The following TENM4 variants were observed in gnomAD, a reference collection of about 807,000 sequenced individuals.
TENM4 encodes teneurin transmembrane protein 4.
A neutral mutation model predicts 243.3 loss-of-function variants in TENM4; 82 were observed. The observed-to-expected ratio is 0.34, with a 90% confidence interval of 0.28 to 0.40. TENM4 has a LOEUF of 0.40. Ranked by LOEUF, TENM4 falls within the 10% of genes least tolerant of loss-of-function variation. The pLI, the probability that TENM4 is intolerant of heterozygous loss-of-function variation, is 1.00. For synonymous variants in TENM4, 1,412 were observed against 1,456.3 expected, an observed-to-expected ratio of 0.97 and a Z score of 0.69; for missense variants, 3,138 against 3,673.3, an observed-to-expected ratio of 0.85 and a Z score of 3.77.
intron 2 of TENM4, among the ~76,000 whole-genome samples, chr11:79,242,124 C>T (rs979195890): frequency 5.3e-5 from 8 of 152,158 alleles, no homozygotes; most frequent in Non-Finnish European, 1.0e-4. Flanking sequence ...AGCAGGCGAT[C>T]GCTTCTTTTA....
chr11:79,346,372 T>C (rs1857326467), intron 1 of TENM4, among the ~76,000 whole-genome samples: 1 of 152,060 alleles, frequency 6.6e-6, no homozygotes, highest in Admixed American at 6.5e-5. Context: ...CGGGGGTGTT[T>C]GAGAATTAAT....
At chr11:79,096,171 C>G (rs1245427108) in intron 4 of TENM4, 1 of 152,218 alleles carries the variant, frequency 6.6e-6, no homozygotes, top group Non-Finnish European at 1.5e-5. Flanking sequence ...AATGGGGGTA[C>G]TGTCTACTTG....
intron 3 of TENM4, among the ~76,000 whole-genome samples, chr11:79,215,096 C>T (rs1307584151): frequency 1.3e-5 from 2 of 152,296 alleles, no homozygotes; most frequent in East Asian, 1.9e-4. Context: ...ACTCCCTCTT[C>T]CCTGGATCCT....
intron 12 of TENM4, among the ~76,000 whole-genome samples, chr11:78,836,168 A>T (rs1858108276): frequency 6.6e-6 from 1 of 151,836 alleles, no homozygotes. Context: ...GAACAGCCTC[A>T]CCAACATGGT....
intron 19 of TENM4, among the ~76,000 whole-genome samples, chr11:78,747,209 C>T (rs562815953): frequency 2.8e-4 from 43 of 152,236 alleles, no homozygotes; most frequent in African/African-American, 4.8e-4. Flanking sequence ...GTGGACGTCC[C>T]GTGTGTCACT....
chr11:79,259,414 C>A (rs889194577), intron 2 of TENM4, among the ~76,000 whole-genome samples: 3 of 152,112 alleles, frequency 2.0e-5, no homozygotes, highest in Admixed American at 6.6e-5. Context: ...TGTAAAAATT[C>A]CTTCCTTCCT....
intron 2 of TENM4, among the ~76,000 whole-genome samples, chr11:79,235,757 T>C (rs1780272104): frequency 6.6e-6 from 1 of 152,046 alleles, no homozygotes; most frequent in South Asian, 2.1e-4. Flanking sequence ...CACTGGTCTG[T>C]GGCTCTATGG....
chr11:79,376,158 G>A (rs867550670), intron 1 of TENM4, among the ~76,000 whole-genome samples: 5 of 152,196 alleles, frequency 3.3e-5, no homozygotes, highest in African/African-American at 7.2e-5. Context: ...AACAGGGAAC[G>A]CATCCAATGG....
chr11:79,334,512 G>T (rs1480361302), intron 1 of TENM4, among the ~76,000 whole-genome samples: 4 of 152,154 alleles, frequency 2.6e-5, no homozygotes, highest in African/African-American at 9.7e-5. Flanking sequence ...TTCCATGGCT[G>T]CCCAGCACTG....
chr11:79,201,408 T>C (rs970862678), intron 3 of TENM4, among the ~76,000 whole-genome samples: 4 of 151,790 alleles, frequency 2.6e-5, no homozygotes, highest in African/African-American at 9.7e-5. Flanking sequence ...CCATCACTTA[T>C]CATCTCTGAG....
intron 2 of TENM4, among the ~76,000 whole-genome samples, chr11:79,254,530 G>A (rs566152970): frequency 5.9e-5 from 9 of 152,260 alleles, no homozygotes; most frequent in East Asian, 1.9e-4. Flanking sequence ...GACAAGTCAC[G>A]CGTTCTTTTC....
chr11:79,400,696 C>T (rs1045725133), intron 1 of TENM4, among the ~76,000 whole-genome samples: 3 of 152,178 alleles, frequency 2.0e-5, no homozygotes, highest in African/African-American at 7.2e-5. Flanking sequence ...GCTGTGAGGG[C>T]TGAGGGGACA....
intron 1 of TENM4, among the ~76,000 whole-genome samples, chr11:79,374,832 C>A (rs1211040603): frequency 6.6e-6 from 1 of 152,148 alleles, no homozygotes; most frequent in Non-Finnish European, 1.5e-5. Context: ...TCCCAAAGTG[C>A]TTACGAAGCA....
chr11:78,983,471 G>A (rs914025272), intron 6 of TENM4, among the ~76,000 whole-genome samples: 5 of 152,236 alleles, frequency 3.3e-5, no homozygotes, highest in African/African-American at 4.8e-5. Context: ...TCATCCATTC[G>A]ACGACACATT....
At chr11:78,892,879 G>T (rs367783842) in intron 7 of TENM4, among the ~76,000 whole-genome samples, 164 of 152,306 alleles carry the variant, frequency 1.1e-3, no homozygotes, top group African/African-American at 3.9e-3. Context: ...CAGAACTCAG[G>T]CTCTCTCCAC....
chr11:79,174,272 G>T (rs1039116033), intron 3 of TENM4, among the ~76,000 whole-genome samples: 4 of 151,986 alleles, frequency 2.6e-5, no homozygotes, highest in African/African-American at 9.7e-5. Flanking sequence ...TGGCAAAGGT[G>T]AAACGTTGTA....
intron 15 of TENM4, among the ~76,000 whole-genome samples, chr11:78,801,965 C>T (rs1028617696): frequency 2.6e-5 from 4 of 152,128 alleles, no homozygotes; most frequent in African/African-American, 9.7e-5. Context: ...CACAGTGATT[C>T]CATAAAGTAA....
At chr11:79,256,697 T>C (rs959069575) in intron 2 of TENM4, among the ~76,000 whole-genome samples, 5 of 152,204 alleles carry the variant, frequency 3.3e-5, no homozygotes, top group African/African-American at 1.2e-4. Flanking sequence ...AATGACTTTG[T>C]CTCTTGGATT....
At chr11:78,668,062 G>C (rs1016386720) in intron 32 of TENM4, among the ~76,000 whole-genome samples, 1 of 152,110 alleles carries the variant, frequency 6.6e-6, no homozygotes, top group South Asian at 2.1e-4. Flanking sequence ...TTCAAGTTAG[G>C]GGGTAAAGGA....
Sources: allele counts gnomAD v4.1 joint callset (sites outside exome capture counted in the v4.1 genomes callset), GRCh38; gene constraint gnomAD v4.1.1; transcripts MANE v1.5; gene names NCBI Gene and HGNC (gene_info 2026-07-23, HGNC 2026-07-21).